OR9Q1: variants seen among roughly 807,000 people sequenced by gnomAD.
The protein encoded by OR9Q1 is olfactory receptor family 9 subfamily Q member 1.
For synonymous variants in OR9Q1, 153 were observed against 148.6 expected (o/e 1.03, Z -0.22); for missense variants, 374 against 378.8 (o/e 0.99, Z 0.11).
chr11:58,109,206 C>T (rs1232910614), intron 2 of OR9Q1: 1 of 473,220 alleles, frequency 2.1e-6, no homozygotes, highest in Admixed American at 2.3e-5. Context: ...CCCCTGACAC[C>T]CCACAGATGA....
chr11:58,174,831 C>T (rs536056574), intron 2 of OR9Q1, among the ~76,000 whole-genome samples: 11 of 151,224 alleles, frequency 7.3e-5, no homozygotes, highest in South Asian at 6.3e-4. Context: ...TAAGGCCAGG[C>T]GCAGTGGCTC....
intron 2 of OR9Q1, among the ~76,000 whole-genome samples, chr11:58,058,722 T>C (rs1354499758): frequency 1.3e-5 from 2 of 152,154 alleles, no homozygotes; most frequent in African/African-American, 4.8e-5. Context: ...ACACTGCTGA[T>C]CTTTGAGAAG....
chr11:58,139,497 T>C (rs1854222985), intron 2 of OR9Q1, among the ~76,000 whole-genome samples: 1 of 151,754 alleles, frequency 6.6e-6, no homozygotes, highest in African/African-American at 2.4e-5. Context: ...TGTGTTCTCA[T>C]TGTTCAATTC....
At chr11:58,077,937 ATT>A (rs1384674080) in intron 2 of OR9Q1, 1 of 152,006 alleles carries the variant, frequency 6.6e-6, no homozygotes, top group Non-Finnish European at 1.5e-5. Flanking sequence ...TGGGCAGATC[ATT>A]TGAGGCCAGG....
chr11:58,127,914 C>T (rs1012807909), intron 2 of OR9Q1, among the ~76,000 whole-genome samples: 1 of 152,150 alleles, frequency 6.6e-6, no homozygotes, highest in African/African-American at 2.4e-5. Flanking sequence ...CAAGTCTTGC[C>T]TGGAGCTATC....
At chr11:58,069,599 C>T (rs373183518) in intron 2 of OR9Q1, among the ~76,000 whole-genome samples, 1 of 152,156 alleles carries the variant, frequency 6.6e-6, no homozygotes, top group Non-Finnish European at 1.5e-5. Flanking sequence ...TCAGGCTGGG[C>T]GCCATGGCTC....
intron 2 of OR9Q1, among the ~76,000 whole-genome samples, chr11:58,154,794 C>T (rs1854390802): frequency 6.6e-6 from 1 of 152,122 alleles, no homozygotes; most frequent in Non-Finnish European, 1.5e-5. Flanking sequence ...ACATAGTCAG[C>T]AGCTGAGCTA....
At chr11:58,172,392 C>T (rs1361065385) in intron 2 of OR9Q1, among the ~76,000 whole-genome samples, 2 of 150,988 alleles carry the variant, frequency 1.3e-5, no homozygotes, top group Non-Finnish European at 3.0e-5. Context: ...TAGATTCAGA[C>T]CAGGAAGCAG....
chr11:58,123,094 T>C (rs890246640), intron 2 of OR9Q1, among the ~76,000 whole-genome samples: 3 of 152,152 alleles, frequency 2.0e-5, no homozygotes, highest in Non-Finnish European at 2.9e-5. Flanking sequence ...AAGCAGATAT[T>C]ATGACCTTAT....
intron 2 of OR9Q1, chr11:58,119,242 A>AG: frequency 6.2e-7 from 1 of 1,613,980 alleles, no homozygotes; most frequent in East Asian, 2.2e-5. Context: ...GGCATCCAGC[A>AG]GGGAGAGGTG....
At chr11:58,080,206 A>G (rs1237112768) in intron 2 of OR9Q1, among the ~76,000 whole-genome samples, 1 of 151,994 alleles carries the variant, frequency 6.6e-6, no homozygotes, top group East Asian at 1.9e-4. Context: ...TGTGTGCTCA[A>G]TGTTTAGCTC....
intron 2 of OR9Q1, among the ~76,000 whole-genome samples, chr11:58,096,005 AT>A (rs1853727560): frequency 6.6e-6 from 1 of 152,192 alleles, no homozygotes; most frequent in Non-Finnish European, 1.5e-5. Flanking sequence ...AAAATGAAAA[AT>A]TTGGGACAAA....
chr11:58,164,107 G>C (rs1478318464), intron 2 of OR9Q1, among the ~76,000 whole-genome samples: 1 of 152,190 alleles, frequency 6.6e-6, no homozygotes, highest in African/African-American at 2.4e-5. Flanking sequence ...TGGAGCCGGA[G>C]CCTGCAGACA....
At chr11:58,168,156 C>G (rs919491083) in intron 2 of OR9Q1, among the ~76,000 whole-genome samples, 3 of 152,126 alleles carry the variant, frequency 2.0e-5, no homozygotes, top group African/African-American at 4.8e-5. Context: ...TTTGTCAAAT[C>G]TTAACATTTT....
chr11:58,046,272 G>T (rs1233161116), intron 1 of OR9Q1, among the ~76,000 whole-genome samples: 3 of 140,648 alleles, frequency 2.1e-5, no homozygotes, highest in African/African-American at 5.0e-5. Context: ...AAGCAACTTT[G>T]TTCCCTCCTC....
At chr11:58,085,185 T>C (rs1289100088) in intron 2 of OR9Q1, among the ~76,000 whole-genome samples, 1 of 151,970 alleles carries the variant, frequency 6.6e-6, no homozygotes, top group African/African-American at 2.4e-5. Flanking sequence ...AATATTGTGT[T>C]AGAATTTTTC....
intron 2 of OR9Q1, among the ~76,000 whole-genome samples, chr11:58,146,778 C>T (rs1322769023): frequency 1.3e-5 from 2 of 152,078 alleles, no homozygotes; most frequent in African/African-American, 2.4e-5. Flanking sequence ...CTCTTCTAGA[C>T]AGAAAGAATT....
At chr11:58,172,470 G>A (rs1441550739) in intron 2 of OR9Q1, among the ~76,000 whole-genome samples, 1 of 152,194 alleles carries the variant, frequency 6.6e-6, no homozygotes, top group Non-Finnish European at 1.5e-5. Flanking sequence ...GGGTACATTA[G>A]TGAAGAGTGT....
intron 2 of OR9Q1, among the ~76,000 whole-genome samples, chr11:58,140,108 C>A (rs1465088231): frequency 3.3e-5 from 5 of 152,048 alleles, no homozygotes; most frequent in African/African-American, 9.7e-5. Flanking sequence ...CTGTTCATAT[C>A]CTTCACCCGC....
Sources: gnomAD v4.1 joint callset for allele counts (sites outside exome capture counted in the v4.1 genomes callset) on GRCh38, gnomAD v4.1.1 for gene constraint, MANE v1.5 for transcripts, NCBI Gene and HGNC (gene_info 2026-07-23, HGNC 2026-07-21) for gene names.